Variants in GMEB2 observed in about 807,000 individuals in gnomAD.
GMEB2 encodes glucocorticoid modulatory element binding protein 2.
GMEB2 carries 7 observed loss-of-function variants against 45.7 expected under a neutral mutation model. The ratio of observed to expected loss-of-function variants is 0.15; its 90% CI spans 0.09 to 0.29. The LOEUF (loss-of-function observed/expected upper bound fraction) is 0.29. Among genes scored for constraint, GMEB2 ranks in the 10% least tolerant of loss-of-function variants. The pLI, the probability that GMEB2 is intolerant of heterozygous loss-of-function variation, is 1.00. For synonymous variants in GMEB2, 322 were observed against 323.6 expected (o/e 1.00, Z 0.05); for missense variants, 582 against 739.2 (o/e 0.79, Z 2.47).
intron 2 of GMEB2, among the ~76,000 whole-genome samples, chr20:63,611,018 C>T (rs1255067349): frequency 2.0e-5 from 3 of 152,326 alleles, no homozygotes; most frequent in South Asian, 4.1e-4. Flanking sequence ...CTGGACCCCC[C>T]GGCGAGGCCC....
In GMEB2 at chr20:63,597,745, G is replaced by A. The variant is rs747415486; in HGVS notation, c.461+12C>T. ...CTTCCAGCAGGGAGGCTGACCCTGC[G>A]CCAGCGCCCACCTGAGCATGATGCC... On this transcript the variant is annotated intron_variant, in intron 5 of 9. Transcript: ENST00000370077. 4.7e-6 allele frequency: 7 copies of A among 1,481,494 alleles called. No homozygotes were observed. The highest frequency in any genetic ancestry group is 4.7e-6 in the Non-Finnish European group (5 of 1,059,196). The allele number at this position is 1,481,494 out of a possible 1,614,324, so 91.8% of individuals were successfully genotyped here.
Position 63,593,920 on chromosome 20 carries a change from T to C in GMEB2, c.620-838A>G. The stretch of plus-strand genomic sequence containing the variant: ...CTGTAATCCCAGCTACTCGGGAGGC[T>C]GAGGCAGGAGAATCGCTAGAACCCG... On this transcript the variant is annotated intron_variant, in intron 6 of 9. Coordinates refer to ENST00000370077, the MANE Select transcript of GMEB2 (RefSeq NM_012384.5). The surrounding 1 kb of genome is among the most constrained non-coding windows in gnomAD (Gnocchi z 4.7). 6.6e-6 allele frequency among the ~76,000 whole-genome samples: 1 copy of C among 152,216 alleles called. No homozygotes were observed. The highest frequency in any genetic ancestry group is 1.9e-4 in the East Asian group (1 of 5,194).
At chr20:63,614,190 T>C (rs1288434384) in intron 2 of GMEB2, among the ~76,000 whole-genome samples, 1 of 152,196 alleles carries the variant, frequency 6.6e-6, no homozygotes, top group Non-Finnish European at 1.5e-5. Flanking sequence ...TGATTATATA[T>C]GAATATCATT....
chr20:63,605,261 G>A (rs1316465810), intron 2 of GMEB2, among the ~76,000 whole-genome samples: 13 of 151,896 alleles, frequency 8.6e-5, no homozygotes, highest in Admixed American at 2.6e-4. Context: ...GGCCAGGTGC[G>A]GTGGCTCATG....
intron 4 of GMEB2, among the ~76,000 whole-genome samples, chr20:63,599,875 G>A (rs765476929): frequency 6.6e-5 from 10 of 152,248 alleles, no homozygotes; most frequent in South Asian, 4.1e-4. Context: ...AAGCAGAGAC[G>A]TCGGGCCCCT....
chr20:63,604,255 G>A (rs973481257), intron 3 of GMEB2, among the ~76,000 whole-genome samples: 1 of 150,854 alleles, frequency 6.6e-6, no homozygotes, highest in African/African-American at 2.4e-5. Context: ...GCACATGCCT[G>A]TAGTCCCAGC....
At position 63,625,158 on chromosome 20, in the gene GMEB2, C is replaced by T. The variant is rs2089662440; in HGVS notation, c.-58+1798G>A. ...CTATTGCCTTCCCAAGGGCGAGCAC[C>T]CCCTCCTCTCTCCACAGCTCCTTCT... is the stretch of plus-strand genomic sequence containing the variant. On this transcript the variant is annotated intron_variant, in intron 1 of 9. Coordinates refer to ENST00000370077, the MANE Select transcript of GMEB2 (RefSeq NM_012384.5). Among the ~76,000 whole-genome samples, 4 of 152,116 alleles carry T rather than the reference C, an allele frequency of 2.6e-5. No homozygotes were observed. The South Asian group carries it at 8.3e-4, about 32-fold the overall frequency.
chr20:63,618,943 TCTTCA>T (rs2146092151), intron 2 of GMEB2, among the ~76,000 whole-genome samples: 1 of 152,180 alleles, frequency 6.6e-6, no homozygotes, highest in East Asian at 1.9e-4. Flanking sequence ...AATCACTGAC[TCTTCA>T]CTTCATTTAT....
chr20:63,622,063 A>G (rs1347956493), intron 1 of GMEB2, among the ~76,000 whole-genome samples: 7 of 152,106 alleles, frequency 4.6e-5, no homozygotes, highest in African/African-American at 1.4e-4. Flanking sequence ...CAGGAGGTCA[A>G]GGCTGCAGTG....
chr20:63,596,239 C>T (rs145026478), intron 5 of GMEB2, among the ~76,000 whole-genome samples: 2 of 152,350 alleles, frequency 1.3e-5, no homozygotes, highest in Non-Finnish European at 2.9e-5. Context: ...GTGATGAGGG[C>T]GCAGGACAGC....
intron 2 of GMEB2, among the ~76,000 whole-genome samples, chr20:63,607,157 T>C (rs1026864936): frequency 1.7e-4 from 25 of 148,932 alleles, no homozygotes; most frequent in African/African-American, 4.5e-4. Context: ...TCTAGAAACA[T>C]GCCCCTTTGA....
At chr20:63,603,779 G>A (rs904474111) in intron 3 of GMEB2, among the ~76,000 whole-genome samples, 4 of 151,874 alleles carry the variant, frequency 2.6e-5, no homozygotes, top group Non-Finnish European at 5.9e-5. Context: ...TGGGCCAGGC[G>A]AGGTGGCTCA....
rs764240485 is a variant in GMEB2, at chr20:63,593,078, A to G, written c.624T>C (p.Asn208=). 1 of 1,607,688 alleles carries G rather than the reference A, an allele frequency of 6.2e-7. No individual in the cohort carries two copies. The highest frequency in any genetic ancestry group is 1.7e-5 in the Admixed American group (1 of 59,784). ...IPLTPAAADV[N]GSPATITIET... ...CTATGGTGATGGTCGCAGGAGACCC[A>G]TTCACTGCAGCCGAAAGGGAACCTC... Residue 208 remains asparagine (N), a synonymous_variant, in exon 7 of 10, where the codon AAT becomes AAC. Transcript: ENST00000370077. The surrounding 1 kb of genome is among the most constrained non-coding windows in gnomAD (Gnocchi z 4.7).
chr20:63,621,667 CAAAAAAAAAAAAAAAAA>C (rs56222018), intron 1 of GMEB2, among the ~76,000 whole-genome samples: 5 of 54,610 alleles, frequency 9.2e-5, no homozygotes, highest in African/African-American at 4.4e-4. Flanking sequence ...AACTCCATCT[CAAAAAAAAAAAAAAAAA>C]AAAAAAAAAA....
rs2083125863 is a variant in GMEB2 at position 63,589,614 on chromosome 20, C to T, written c.*475G>A. Reference sequence around the variant, plus strand: ...ATCCATAGGATCCAGAGGTTTCACACTTGGGCTTAGCTCCCAAGTCATGAG... The same window carrying T: ...ATCCATAGGATCCAGAGGTTTCACATTTGGGCTTAGCTCCCAAGTCATGAG... On this transcript the variant is annotated 3_prime_UTR_variant, in exon 10 of 10. Coordinates refer to ENST00000370077, the MANE Select transcript of GMEB2 (RefSeq NM_012384.5). 5.7e-6 allele frequency: 1 copy of T among 175,622 alleles called. No individual in the cohort carries two copies. Among genetic ancestry groups the T allele is most frequent in the Admixed American group, 6.3e-5 (1 of 15,830 alleles). The allele number at this position is 175,622 out of a possible 1,614,324, so 10.9% of individuals were successfully genotyped here. A position where few individuals can be genotyped will look rare whatever the true frequency, so the allele number is the denominator to read the frequency against.
chr20:63,625,832 A>G (rs2146099953), intron 1 of GMEB2, among the ~76,000 whole-genome samples: 1 of 152,132 alleles, frequency 6.6e-6, no homozygotes, highest in East Asian at 1.9e-4. Flanking sequence ...TCCTGACCTC[A>G]TGATCCGCCC....
At chr20:63,614,258 GCATAACCTAGGAAAAACTAGGAAAT>G (rs779429260) in intron 2 of GMEB2, among the ~76,000 whole-genome samples, 2 of 151,944 alleles carry the variant, frequency 1.3e-5, no homozygotes, top group Admixed American at 6.6e-5. Flanking sequence ...CCTTGCCTAA[GCATAACCTAGGAAAAACTAGGAAAT>G]CATAACCTAG....
chr20:63,596,835 T>C (rs1304611650), intron 5 of GMEB2, among the ~76,000 whole-genome samples: 1 of 152,176 alleles, frequency 6.6e-6, no homozygotes, highest in Non-Finnish European at 1.5e-5. Context: ...CTGGACAATA[T>C]GGCAAAATCC....
Position 63,593,817 on chromosome 20 carries a change from T to G in GMEB2, c.620-735A>C, listed in dbSNP as rs1474065285. On this transcript the variant is annotated intron_variant, in intron 6 of 9. Coordinates refer to ENST00000370077, the MANE Select transcript of GMEB2 (RefSeq NM_012384.5). The surrounding 1 kb of genome is among the most constrained non-coding windows in gnomAD (Gnocchi z 4.7). The stretch of plus-strand genomic sequence containing the variant: ...CGGGTGGATCACCTAAGGTCAGGAG[T>G]TCGAGAACAGCCTGGGCAACACGGC... 6.6e-6 allele frequency among the ~76,000 whole-genome samples: 1 copy of G among 151,494 alleles called. No homozygotes were observed. The highest frequency in any genetic ancestry group is 1.5e-5 in the Non-Finnish European group (1 of 67,870).
Sources: gnomAD v4.1 joint callset for allele counts (sites outside exome capture counted in the v4.1 genomes callset) on GRCh38, gnomAD v4.1.1 for gene constraint, Gnocchi (gnomAD v3.1) non-coding constraint, MANE v1.5 for transcripts, NCBI Gene and HGNC (gene_info 2026-07-23, HGNC 2026-07-21) for gene names.